KREMEN1: variants seen among roughly 807,000 people sequenced by gnomAD.
KREMEN1 encodes kringle containing transmembrane protein 1, also known as kremen protein 1.
In KREMEN1, 30 loss-of-function variants were observed where a neutral mutation model predicts 46.5. The observed-to-expected ratio is 0.65, with a 90% CI of 0.48 to 0.88. The LOEUF is 0.88. KREMEN1 is among the 40% of genes least tolerant of loss of function. KREMEN1 has a pLI of 0.00. For missense variants in KREMEN1, 533 were observed against 596.9 expected (o/e 0.89, Z 1.11); for synonymous variants, 214 against 230.6 (o/e 0.93, Z 0.65).
At chr22:29,124,393 G>A (rs1229574222) in intron 4 of KREMEN1, among the ~76,000 whole-genome samples, 3 of 152,130 alleles carry the variant, frequency 2.0e-5, no homozygotes, top group Non-Finnish European at 4.4e-5. Context: ...TGGTTGCCAG[G>A]GTTTCTGGGG....
In KREMEN1 at chr22:29,144,215, G is replaced by C; in HGVS notation, c.*2103G>C. The C allele has an allele frequency of 6.1e-6, 6 of 985,572 alleles. No homozygotes were observed. Among genetic ancestry groups the C allele is most frequent in the Non-Finnish European group, 7.2e-6 (6 of 830,020 alleles). The allele number at this position is 985,572 out of a possible 1,614,324, so 61.1% of individuals were successfully genotyped here. A position where few individuals can be genotyped will look rare whatever the true frequency, so the allele number is the denominator to read the frequency against. Reference sequence around the variant, plus strand: ...TCCCCCAAGCCCTGAGCCACTGCCTGCTGGGGCTCCTACTGAGGTTCTGGA... The same window carrying C: ...TCCCCCAAGCCCTGAGCCACTGCCTCCTGGGGCTCCTACTGAGGTTCTGGA... On this transcript the variant is annotated 3_prime_UTR_variant, in exon 9 of 9. Coordinates refer to ENST00000400335, the MANE Select transcript of KREMEN1 (RefSeq NM_001039570.3).
chr22:29,085,910 G>A (rs891170179), intron 1 of KREMEN1, among the ~76,000 whole-genome samples: 6 of 151,236 alleles, frequency 4.0e-5, no homozygotes, highest in East Asian at 3.9e-4. Flanking sequence ...GGTAGAGGCC[G>A]CAGTGAGCCA....
At position 29,121,562 on chromosome 22, in the gene KREMEN1, C is replaced by T. The variant is rs2038357472; in HGVS notation, c.477+81C>T. ...TGCTGAGATAACTTAAAAATAAGTG[C>T]TAAGTAAAATAAGCCAGACACAAAA... is the stretch of plus-strand genomic sequence containing the variant. On this transcript the variant is annotated intron_variant, in intron 4 of 8. Transcript: ENST00000400335. The T allele has an allele frequency of 2.0e-6, 3 of 1,486,870 alleles. No homozygotes were observed. In the African/African-American group the frequency reaches 4.2e-5, roughly 21 times the overall value. The allele number at this position is 1,486,870 out of a possible 1,614,324, so 92.1% of individuals were successfully genotyped here.
chr22:29,146,419 G>A lies in KREMEN1; in HGVS notation c.*4307G>A, dbSNP rs1003163002. ...TGCTGAGTTGGGTACGGAGGCAGAA[G>A]TGGGGTGTGGAGGAAAGTCAGAGGG... On this transcript the variant is annotated 3_prime_UTR_variant, in exon 9 of 9. Transcript: ENST00000400335. 16 of 985,620 alleles carry A rather than the reference G, an allele frequency of 1.6e-5. No individual in the cohort carries two copies. The highest frequency in any genetic ancestry group is 1.2e-4 in the African/African-American group (7 of 57,234). 61.1% of individuals were successfully genotyped at this position (985,620 alleles called of 1,614,324 possible). A position where few individuals can be genotyped will look rare whatever the true frequency, so the allele number is the denominator to read the frequency against.
intron 3 of KREMEN1, among the ~76,000 whole-genome samples, chr22:29,115,508 G>C (rs549427659): frequency 4.6e-5 from 7 of 152,282 alleles, no homozygotes; most frequent in African/African-American, 1.4e-4. Context: ...GGAAGTGCTT[G>C]TTCATTCAGC....
intron 3 of KREMEN1, among the ~76,000 whole-genome samples, chr22:29,114,588 G>A (rs1347859208): frequency 2.0e-5 from 3 of 151,400 alleles, no homozygotes; most frequent in African/African-American, 7.3e-5. Flanking sequence ...AAGCCAGGAA[G>A]AGGGCCCTCA....
intron 9 of KREMEN1, among the ~76,000 whole-genome samples, chr22:29,165,681 T>G (rs2039047310): frequency 6.6e-6 from 1 of 152,228 alleles, no homozygotes; most frequent in South Asian, 2.1e-4. Flanking sequence ...GGCCTTGGAT[T>G]TGAACCCCAC....
At chr22:29,079,059 T>G (rs866318545) in intron 1 of KREMEN1, among the ~76,000 whole-genome samples, 24 of 152,364 alleles carry the variant, frequency 1.6e-4, no homozygotes, top group African/African-American at 5.0e-4. Flanking sequence ...ATGGCGGTGC[T>G]TCCCTCAACC....
intron 3 of KREMEN1, among the ~76,000 whole-genome samples, chr22:29,115,516 A>G (rs1041696414): frequency 6.6e-6 from 1 of 152,200 alleles, no homozygotes; most frequent in Admixed American, 6.5e-5. Context: ...TTGTTCATTC[A>G]GCATATAGTC....
At position 29,137,545 on chromosome 22, in the gene KREMEN1, C is replaced by T. The variant is rs543288387; in HGVS notation, c.835C>T (p.Arg279Cys). ...GGAGCTTCTGGATGGCTACACCCAC[C>T]GTGTCCTAGCCCGCTTCCACGGGAG... ...MVELLDGYTH[R>C]VLARFHGRSR... The change falls in exon 6 of 9, where the codon CGT becomes TGT. Residue 279 changes from arginine (R) to cysteine (C), a missense_variant. By Grantham distance (180) the Arg-to-Cys change is radical. Transcript: ENST00000400335. The T allele has an allele frequency of 1.9e-5, 31 of 1,613,734 alleles. No homozygotes were observed. In the East Asian group the frequency reaches 5.1e-4, roughly 27 times the overall value.
rs536892109 is a variant in KREMEN1 at position 29,073,964 on chromosome 22, C to G, written c.97+737C>G. On this transcript the variant is annotated intron_variant, in intron 1 of 8. Transcript: ENST00000400335. This position sits in a 1 kb window ranked among gnomAD's most constrained non-coding sequence, Gnocchi z 4.4. ...ACATCCCTCCCCTGGGCCAAGGTCC[C>G]CTCCCTGAGCCTCACTGCGACGCCC... is the stretch of plus-strand genomic sequence containing the variant. 2.6e-5 allele frequency among the ~76,000 whole-genome samples: 4 copies of G among 152,050 alleles called. No individual in the cohort carries two copies. Among genetic ancestry groups the G allele is most frequent in the South Asian group, 2.1e-4 (1 of 4,800 alleles).
At position 29,094,414 on chromosome 22, in the gene KREMEN1, A is replaced by G; in HGVS notation, c.254A>G (p.Tyr85Cys). 1 of 1,612,430 alleles carries G rather than the reference A, an allele frequency of 6.2e-7. No homozygotes were observed. Among genetic ancestry groups the G allele is most frequent in the South Asian group, 1.1e-5 (1 of 90,840 alleles). Residue 85 changes from tyrosine to cysteine, a missense_variant, in exon 2 of 9, where the codon TAT (tyrosine) becomes TGT (cysteine). Transcript: ENST00000400335. ...GAGGGGGGCCTGGGTGAGCACAACT[A>G]TTGCAGGTAAGATGGGGCCACTCAG... ...NGEGGLGEHN[Y>C]CRNPDGDVSP...
intron 2 of KREMEN1, 89 bp downstream of exon 2, chr22:29,094,509 G>A (rs134657): frequency 0.71 from 857,965 of 1,207,010 alleles, 307,616 homozygotes; most frequent in African/African-American, 0.88. Context: ...ACAACTAGGG[G>A]AAGTCTTTTG....
chr22:29,099,064 C>G, intron 3 of KREMEN1, 111 bp downstream of exon 3: 2 of 774,310 alleles, frequency 2.6e-6, no homozygotes, highest in South Asian at 1.6e-5. Flanking sequence ...TTTCATGGAG[C>G]ATGTGAAAGG....
chr22:29,140,467 A>C, intron 8 of KREMEN1, 101 bp downstream of exon 8: 1 of 877,622 alleles, frequency 1.1e-6, no homozygotes, highest in Non-Finnish European at 1.9e-6. Flanking sequence ...GAATAAGCAC[A>C]TGATTCCAAA....
chr22:29,098,765 AG>A, intron 2 of KREMEN1, 96 bp from the exon 3 acceptor site: 1 of 898,360 alleles, frequency 1.1e-6, no homozygotes, highest in East Asian at 2.5e-5. Context: ...GAAATAATAC[AG>A]AAGCTAAAGC....
chr22:29,133,583 G>GAGCC (rs1353161372), intron 5 of KREMEN1, among the ~76,000 whole-genome samples: 3 of 152,132 alleles, frequency 2.0e-5, no homozygotes, highest in Admixed American at 6.5e-5. Flanking sequence ...TTACAGGCAT[G>GAGCC]AGCCACCATG....
Position 29,094,020 on chromosome 22 carries a change from T to C in KREMEN1, c.98-238T>C, listed in dbSNP as rs199778447. ...TTTCCTAGTTGGGATCTGTATACTTTAGGGGAAAATGTTCTAGTGTCTGTA... is the reference window on the plus strand; with the variant it reads ...TTTCCTAGTTGGGATCTGTATACTTCAGGGGAAAATGTTCTAGTGTCTGTA... On this transcript the variant is annotated intron_variant, in intron 1 of 8. Transcript: ENST00000400335. Among the ~76,000 whole-genome samples the C allele has an allele frequency of 1.1e-4, 16 of 152,310 alleles. No homozygotes were observed. The East Asian group carries it at 2.9e-3, about 28-fold the overall frequency.
chr22:29,144,444 A>C lies in KREMEN1; in HGVS notation c.*2332A>C. The C allele has an allele frequency of 1.0e-6, 1 of 985,576 alleles. No homozygotes were observed. The highest frequency in any genetic ancestry group is 1.7e-5 in the African/African-American group (1 of 57,378). 61.1% of individuals were successfully genotyped at this position (985,576 alleles called of 1,614,324 possible). On this transcript the variant is annotated 3_prime_UTR_variant, in exon 9 of 9. Coordinates refer to ENST00000400335, the MANE Select transcript of KREMEN1 (RefSeq NM_001039570.3). ...CCCAGGCCCCGTGGGAGGCCTGCTG[A>C]GGGCACAGAGCTGCTCGGTGCAGCC... is the stretch of plus-strand genomic sequence containing the variant.
Sources: gnomAD v4.1 joint callset for allele counts (sites outside exome capture counted in the v4.1 genomes callset) on GRCh38, gnomAD v4.1.1 for gene constraint, Gnocchi (gnomAD v3.1) non-coding constraint, MANE v1.5 for transcripts, NCBI Gene and HGNC (gene_info 2026-07-23, HGNC 2026-07-21) for gene names.